Variants in TNKS observed in about 807,000 individuals in gnomAD.
TNKS encodes tankyrase.
A neutral mutation model predicts 135.8 loss-of-function variants in TNKS; 72 were observed. The observed-to-expected ratio is 0.53, with a 90% CI of 0.44 to 0.64. The LOEUF (loss-of-function observed/expected upper bound fraction) is 0.64, where lower values mean the gene tolerates loss of function less well. Among genes scored for constraint, TNKS ranks in the 30% least tolerant of loss-of-function variants. The pLI is 0.00. For missense variants in TNKS, 1,769 were observed against 1,674.0 expected, an observed-to-expected ratio of 1.06 and a Z score of -0.99; for synonymous variants, 849 against 649.3, an observed-to-expected ratio of 1.31 and a Z score of -4.68.
At chr8:9,585,396 A>C (rs1798335796) in intron 2 of TNKS, among the ~76,000 whole-genome samples, 2 of 152,168 alleles carry the variant, frequency 1.3e-5, no homozygotes, top group African/African-American at 4.8e-5. Context: ...GTAATAATTA[A>C]ACAAATGATA....
At chr8:9,649,808 C>T (rs1182083242) in intron 3 of TNKS, among the ~76,000 whole-genome samples, 2 of 151,172 alleles carry the variant, frequency 1.3e-5, no homozygotes, top group Admixed American at 1.3e-4. Flanking sequence ...TTATTTCATT[C>T]CTTTTTATGG....
chr8:9,569,485 T>C (rs1797679132), intron 1 of TNKS, among the ~76,000 whole-genome samples: 1 of 152,250 alleles, frequency 6.6e-6, no homozygotes. Context: ...TACTATTTTG[T>C]GGGAGATTCA....
At chr8:9,705,082 G>A (rs1022611132) in intron 6 of TNKS, among the ~76,000 whole-genome samples, 6 of 152,102 alleles carry the variant, frequency 3.9e-5, no homozygotes, top group African/African-American at 1.2e-4. Flanking sequence ...AAATCCAGTA[G>A]CATAGCTATC....
At chr8:9,723,696 T>C (rs1805018216) in intron 12 of TNKS, among the ~76,000 whole-genome samples, 1 of 152,236 alleles carries the variant, frequency 6.6e-6, no homozygotes, top group African/African-American at 2.4e-5. Flanking sequence ...TTAAATAAAA[T>C]GGAAAATCTT....
chr8:9,628,961 C>T lies in TNKS; in HGVS notation c.994+13284C>T, dbSNP rs555657598. The stretch of plus-strand genomic sequence containing the variant: ...AAAAACCTACAAGTCGGACTTTATT[C>T]TTCTCTTGTTGTCTTACCTTGTGTT... On this transcript the variant is annotated intron_variant, in intron 3 of 26. Transcript: ENST00000310430. 1.5e-4 allele frequency among the ~76,000 whole-genome samples: 23 copies of T among 152,300 alleles called. No homozygotes were observed. In the South Asian group the frequency reaches 4.8e-3, roughly 32 times the overall value.
intron 17 of TNKS, chr8:9,740,828 T>TG (rs1457383205): frequency 5.8e-5 from 8 of 137,802 alleles, no homozygotes; most frequent in South Asian, 2.4e-4. Flanking sequence ...TTCTTGTTGT[T>TG]TTTTTTTTTT....
intron 3 of TNKS, chr8:9,658,326 C>T (rs1238256774): frequency 4.8e-5 from 42 of 876,000 alleles, no homozygotes; most frequent in East Asian, 3.9e-4. Flanking sequence ...GGGGCCCGTC[C>T]GCTCCTCCAG....
chr8:9,652,918 T>C (rs539285719), intron 3 of TNKS, among the ~76,000 whole-genome samples: 1 of 152,298 alleles, frequency 6.6e-6, no homozygotes, highest in South Asian at 2.1e-4. Context: ...CTTACATGGT[T>C]AGATAATGGC....
At chr8:9,766,043 G>A (rs950821431) in intron 24 of TNKS, among the ~76,000 whole-genome samples, 196 bp from the exon 25 acceptor site, 14 of 152,118 alleles carry the variant, frequency 9.2e-5, no homozygotes, top group African/African-American at 3.1e-4. Context: ...ATTGCAAATT[G>A]AGCCACCTAG....
At chr8:9,623,990 A>G (rs962150027) in intron 3 of TNKS, among the ~76,000 whole-genome samples, 2 of 152,160 alleles carry the variant, frequency 1.3e-5, no homozygotes, top group East Asian at 3.9e-4. Flanking sequence ...TGACAGAGCA[A>G]GAGACATCGT....
chr8:9,590,224 T>C (rs1322593084), intron 2 of TNKS, among the ~76,000 whole-genome samples: 1 of 152,178 alleles, frequency 6.6e-6, no homozygotes, highest in African/African-American at 2.4e-5. Flanking sequence ...TTCATCCTCA[T>C]GTCCCTGTAA....
intron 5 of TNKS, among the ~76,000 whole-genome samples, chr8:9,690,535 G>A (rs1365992413): frequency 6.6e-6 from 1 of 152,106 alleles, no homozygotes; most frequent in East Asian, 1.9e-4. Flanking sequence ...CGAGGCGGGT[G>A]GATCATTTGA....
At chr8:9,675,159 C>G (rs1366021263) in intron 3 of TNKS, among the ~76,000 whole-genome samples, 1 of 152,188 alleles carries the variant, frequency 6.6e-6, no homozygotes, top group Non-Finnish European at 1.5e-5. Flanking sequence ...GGTGCTTTAG[C>G]TGAATTCCTT....
intron 11 of TNKS, among the ~76,000 whole-genome samples, chr8:9,716,767 G>C (rs7464528): frequency 0.83 from 125,653 of 151,570 alleles, 52,270 homozygotes; most frequent in Admixed American, 0.88. Context: ...TGTTCATCTG[G>C]TTCATTCTTC....
At chr8:9,636,011 TTACTG>T (rs1463557637) in intron 3 of TNKS, among the ~76,000 whole-genome samples, 4 of 152,242 alleles carry the variant, frequency 2.6e-5, no homozygotes, top group African/African-American at 9.6e-5. Context: ...TTGAATTTAA[TTACTG>T]TACTGTGGTT....
Position 9,641,630 on chromosome 8 carries a change from C to T in TNKS, c.994+25953C>T, listed in dbSNP as rs962888976. On this transcript the variant is annotated intron_variant, in intron 3 of 26. Coordinates refer to ENST00000310430, the MANE Select transcript of TNKS (RefSeq NM_003747.3). Reference sequence around the variant, plus strand: ...TTTCTAACATTATTTTTCAGAAAAACATTTTTCTGAGAATGTATTTTTTTT... The same window carrying T: ...TTTCTAACATTATTTTTCAGAAAAATATTTTTCTGAGAATGTATTTTTTTT... Among the ~76,000 whole-genome samples the T allele has an allele frequency of 2.1e-5, 3 of 144,584 alleles. 1 individual carries two copies. The highest frequency in any genetic ancestry group is 7.7e-5 in the African/African-American group (3 of 38,886). 94.9% of individuals were successfully genotyped at this position (144,584 alleles called of 152,430 possible). A position where few individuals can be genotyped will look rare whatever the true frequency, so the allele number is the denominator to read the frequency against.
In TNKS at chr8:9,555,977, A is replaced by G; in HGVS notation, c.38A>G (p.His13Arg). 10 of 1,613,314 alleles carry G rather than the reference A, an allele frequency of 6.2e-6. No individual in the cohort carries two copies. The highest frequency in any genetic ancestry group is 1.3e-5 in the African/African-American group (1 of 74,966). ...ASRRSQHHHHHHQQQLQPAPG... is the reference protein window; with the variant it reads ...ASRRSQHHHHRHQQQLQPAPG... ...CGTCGCTCTCAGCATCATCACCACC[A>G]TCATCAACAACAGCTCCAGCCCGCC... Residue 13 changes from histidine to arginine, a missense_variant, in exon 1 of 27, where the codon CAT becomes CGT. Around this residue, in one of 5 missense-constraint regions of TNKS, gnomAD observed 450 missense variants for 304.9 expected, o/e 1.48. Coordinates refer to ENST00000310430, the MANE Select transcript of TNKS (RefSeq NM_003747.3).
At chr8:9,581,075 T>C (rs1798146554) in intron 2 of TNKS, among the ~76,000 whole-genome samples, 1 of 152,158 alleles carries the variant, frequency 6.6e-6, no homozygotes, top group Non-Finnish European at 1.5e-5. Context: ...CTTGAGATGA[T>C]GGATGTTTGT....
chr8:9,641,183 G>A (rs771488054), intron 3 of TNKS, among the ~76,000 whole-genome samples: 3 of 145,574 alleles, frequency 2.1e-5, no homozygotes, highest in Admixed American at 7.3e-5. Flanking sequence ...AACATTAACA[G>A]TTTCCTTAAA....
Sources: allele counts gnomAD v4.1 joint callset (sites outside exome capture counted in the v4.1 genomes callset), GRCh38; gene constraint gnomAD v4.1.1; regional missense constraint gnomAD v4.1.1; transcripts MANE v1.5; gene names NCBI Gene and HGNC (gene_info 2026-07-23, HGNC 2026-07-21).